PRORP: variants seen among roughly 807,000 people sequenced by gnomAD.
The protein encoded by PRORP is mitochondrial ribonuclease P catalytic subunit.
A neutral mutation model predicts 59.4 loss-of-function variants in PRORP; 51 were observed. The ratio of observed to expected loss-of-function variants is 0.86; its 90% CI spans 0.69 to 1.08. The LOEUF (loss-of-function observed/expected upper bound fraction) is 1.08. Among genes scored for constraint, PRORP ranks in the 50% least tolerant of loss-of-function variants. The pLI is 0.00. For missense variants in PRORP, 646 were observed against 690.3 expected, an observed-to-expected ratio of 0.94 and a Z score of 0.72; for synonymous variants, 231 against 245.6, an observed-to-expected ratio of 0.94 and a Z score of 0.55.
intron 5 of PRORP, among the ~76,000 whole-genome samples, chr14:35,241,791 T>C (rs2050376205): frequency 6.6e-6 from 1 of 152,188 alleles, no homozygotes; most frequent in Non-Finnish European, 1.5e-5. Context: ...CTTGTTATTC[T>C]CTCAACATAC....
chr14:35,239,698 A>G (rs1466870675), intron 5 of PRORP, among the ~76,000 whole-genome samples: 1 of 152,254 alleles, frequency 6.6e-6, no homozygotes, highest in Non-Finnish European at 1.5e-5. Flanking sequence ...AAGCCATACC[A>G]GTGTCATGCC....
intron 5 of PRORP, among the ~76,000 whole-genome samples, chr14:35,261,314 C>T (rs1450053194): frequency 1.3e-5 from 2 of 152,108 alleles, no homozygotes; most frequent in Middle Eastern, 3.2e-3. Context: ...ATATAATGTC[C>T]AAGGTTTTTA....
In PRORP at chr14:35,198,529, T is replaced by G. The variant is rs900854148; in HGVS notation, c.1275+17752T>G. Among the ~76,000 whole-genome samples, 7 of 152,356 alleles carry G rather than the reference T, an allele frequency of 4.6e-5. 1 individual carries two copies. The highest frequency in any genetic ancestry group is 2.6e-4 in the Admixed American group (4 of 15,308). On this transcript the variant is annotated intron_variant, in intron 5 of 7. Transcript: ENST00000534898. ...CTTTGACTCTTGGAAAATAAATTTT[T>G]AAGCTGATTTTTTCACTTCAGATCC... is the stretch of plus-strand genomic sequence containing the variant.
intron 4 of PRORP, among the ~76,000 whole-genome samples, chr14:35,166,401 G>A (rs2048185109): frequency 6.6e-6 from 1 of 150,976 alleles, no homozygotes. Flanking sequence ...TCCAGGCAGA[G>A]GTCTTCTAAA....
At chr14:35,149,907 C>G (rs1262977917) in intron 4 of PRORP, among the ~76,000 whole-genome samples, 1 of 152,130 alleles carries the variant, frequency 6.6e-6, no homozygotes, top group East Asian at 1.9e-4. Context: ...TGGAGTGCAG[C>G]GGCATAATCT....
chr14:35,132,537 C>T (rs2047271193), intron 4 of PRORP, among the ~76,000 whole-genome samples: 1 of 151,862 alleles, frequency 6.6e-6, no homozygotes. Context: ...AATCCCAGCA[C>T]TTTGGGAGGC....
chr14:35,194,265 G>T (rs1202149067), intron 5 of PRORP, among the ~76,000 whole-genome samples: 1 of 152,076 alleles, frequency 6.6e-6, no homozygotes, highest in Non-Finnish European at 1.5e-5. Context: ...TCTATTATTG[G>T]TGTACAAGAA....
At chr14:35,181,950 C>T (rs1450765120) in intron 5 of PRORP, among the ~76,000 whole-genome samples, 1 of 151,846 alleles carries the variant, frequency 6.6e-6, no homozygotes, top group Non-Finnish European at 1.5e-5. Flanking sequence ...AAAATATAAA[C>T]ACTGTTGAAA....
intron 5 of PRORP, among the ~76,000 whole-genome samples, chr14:35,240,313 T>G (rs138218229): frequency 6.3e-4 from 8 of 12,652 alleles, no homozygotes; most frequent in Admixed American, 1.8e-3. Context: ...TTTTTTTTTT[T>G]GGTTTAAAAT....
At chr14:35,127,076 C>T (rs903844855) in intron 3 of PRORP, among the ~76,000 whole-genome samples, 1 of 151,826 alleles carries the variant, frequency 6.6e-6, no homozygotes, top group African/African-American at 2.4e-5. Flanking sequence ...TATGATATTC[C>T]AGAGGATAGG....
At chr14:35,167,941 T>C (rs1381109904) in intron 4 of PRORP, among the ~76,000 whole-genome samples, 3 of 152,230 alleles carry the variant, frequency 2.0e-5, no homozygotes, top group African/African-American at 7.2e-5. Flanking sequence ...CCAGATAATA[T>C]TTTCTAAGGA....
intron 5 of PRORP, among the ~76,000 whole-genome samples, chr14:35,192,765 G>C (rs189117288): frequency 6.6e-6 from 1 of 152,150 alleles, no homozygotes; most frequent in East Asian, 1.9e-4. Context: ...AGACCAAGGA[G>C]GGTGGATCAC....
chr14:35,161,265 T>G (rs1380675065), intron 4 of PRORP, among the ~76,000 whole-genome samples: 2 of 152,232 alleles, frequency 1.3e-5, no homozygotes. Context: ...TTAATTTTCT[T>G]GAGTCCTTAC....
intron 5 of PRORP, among the ~76,000 whole-genome samples, chr14:35,243,495 C>T (rs2050412496): frequency 6.6e-6 from 1 of 150,602 alleles, no homozygotes; most frequent in African/African-American, 2.5e-5. Flanking sequence ...GTGATCACAC[C>T]ACTGCACTCC....
At chr14:35,236,704 C>G (rs1171211775) in intron 5 of PRORP, among the ~76,000 whole-genome samples, 1 of 151,648 alleles carries the variant, frequency 6.6e-6, no homozygotes. Context: ...TGTTTTTGAA[C>G]TTCCCTTCCT....
intron 5 of PRORP, among the ~76,000 whole-genome samples, chr14:35,197,905 C>T (rs1391201973): frequency 6.6e-6 from 1 of 152,174 alleles, no homozygotes; most frequent in Non-Finnish European, 1.5e-5. Flanking sequence ...TGGTGAAGTG[C>T]TCTATTAATT....
intron 5 of PRORP, among the ~76,000 whole-genome samples, chr14:35,257,920 G>A (rs2050800119): frequency 6.6e-6 from 1 of 151,954 alleles, no homozygotes; most frequent in Non-Finnish European, 1.5e-5. Flanking sequence ...TACCTCCCAG[G>A]CAGCTTTTCT....
upstream of PRORP, chr14:35,121,985 G>A (rs1338112229): frequency 2.5e-6 from 4 of 1,613,908 alleles, no homozygotes; most frequent in African/African-American, 1.3e-5. Context: ...AGCAGCTTCT[G>A]CATTTGCTGT....
At chr14:35,126,982 A>G (rs191298837) in intron 3 of PRORP, among the ~76,000 whole-genome samples, 200 bp downstream of exon 3, 85 of 152,332 alleles carry the variant, frequency 5.6e-4, no homozygotes, top group African/African-American at 1.9e-3. Context: ...CTGTGAACCT[A>G]TATGAAGTCT....
Sources: gnomAD v4.1 joint callset for allele counts (sites outside exome capture counted in the v4.1 genomes callset) on GRCh38, gnomAD v4.1.1 for gene constraint, MANE v1.5 for transcripts, NCBI Gene and HGNC (gene_info 2026-07-23, HGNC 2026-07-21) for gene names.